The following CLVS1 variants were observed in gnomAD, a reference collection of about 807,000 sequenced individuals.
The protein encoded by CLVS1 is clavesin 1, also known as clavesin-1.
In CLVS1, 10 loss-of-function variants were observed where a neutral mutation model predicts 33.1. The observed-to-expected ratio is 0.30, with a 90% CI of 0.19 to 0.51. The LOEUF is 0.51. CLVS1 is among the 20% of genes least tolerant of loss of function. The pLI is 0.97. For missense variants in CLVS1, 343 were observed against 433.4 expected, an observed-to-expected ratio of 0.79 and a Z score of 1.85; for synonymous variants, 163 against 166.1, an observed-to-expected ratio of 0.98 and a Z score of 0.14.
chr8:61,299,588 C>T (rs1810355134), intron 1 of CLVS1, 89 bp from the exon 2 acceptor site: 2 of 507,524 alleles, frequency 3.9e-6, no homozygotes, highest in Admixed American at 7.3e-5. Context: ...GCCTAATATA[C>T]TGTTTTTCTA....
chr8:61,035,823 T>C, the CLVS1 span, among the ~76,000 whole-genome samples: 20 of 152,340 alleles, frequency 1.3e-4, no homozygotes, highest in East Asian at 3.5e-3. Flanking sequence ...CCTCTTCAAA[T>C]TGCTGTTTCT....
At chr8:61,205,642 A>G (rs1161646105) in intron 2 of CLVS1, among the ~76,000 whole-genome samples, 1 of 152,128 alleles carries the variant, frequency 6.6e-6, no homozygotes, top group African/African-American at 2.4e-5. Flanking sequence ...GACTTGCTGA[A>G]TCATATGGTA....
At chr8:61,193,189 C>CA (rs1807530167) in intron 2 of CLVS1, among the ~76,000 whole-genome samples, 1 of 152,064 alleles carries the variant, frequency 6.6e-6, no homozygotes, top group South Asian at 2.1e-4. Flanking sequence ...ACTATGCAGC[C>CA]ATAAAAAAGG....
intron 2 of CLVS1, among the ~76,000 whole-genome samples, chr8:61,225,857 C>G (rs370975764): frequency 6.6e-6 from 1 of 152,198 alleles, no homozygotes; most frequent in Non-Finnish European, 1.5e-5. Flanking sequence ...TTGGCAACTC[C>G]TGTGCTGTCA....
intron 1 of CLVS1, among the ~76,000 whole-genome samples, chr8:61,293,242 T>G (rs1810060934): frequency 2.0e-5 from 3 of 152,172 alleles, no homozygotes; most frequent in Admixed American, 2.0e-4. Flanking sequence ...CTCTCTATCC[T>G]TGTAGACTAC....
intron 3 of CLVS1, among the ~76,000 whole-genome samples, chr8:61,438,863 T>G (rs73685033): frequency 0.011 from 1,747 of 152,328 alleles, 35 homozygotes; most frequent in African/African-American, 0.04. Context: ...TGAGATAATA[T>G]GTATAAAAGT....
chr8:61,117,631 A>T (rs1805755095), intron 1 of CLVS1, among the ~76,000 whole-genome samples: 1 of 151,396 alleles, frequency 6.6e-6, no homozygotes, highest in Non-Finnish European at 1.5e-5. Context: ...TGAGATAATC[A>T]TGTGGTTTTT....
intron 1 of CLVS1, among the ~76,000 whole-genome samples, chr8:61,297,658 A>G (rs780126118): frequency 6.6e-6 from 1 of 152,166 alleles, no homozygotes; most frequent in Non-Finnish European, 1.5e-5. Context: ...CAGTCTGAAG[A>G]TCTGAAAGGA....
In CLVS1 at chr8:61,097,216, C is replaced by T. The variant is rs185751605; in HGVS notation, c.-242-34554C>T. ...CTCTATTAAAAATAAATAAATAACC[C>T]AGGAGGCAGAGCTTGCAGTGAGCCG... is the stretch of plus-strand genomic sequence containing the variant. On this transcript the variant is annotated intron_variant, in intron 1 of 2. Transcript: ENST00000522621. Among the ~76,000 whole-genome samples the T allele has an allele frequency of 5.9e-5, 9 of 151,672 alleles. No individual in the cohort carries two copies. The East Asian group carries it at 1.7e-3, about 29-fold the overall frequency.
At chr8:60,988,907 C>T in the CLVS1 span, among the ~76,000 whole-genome samples, 6 of 152,350 alleles carry the variant, frequency 3.9e-5, no homozygotes, top group South Asian at 1.2e-3. Context: ...CTCTGTCATC[C>T]AGGCTGGAGT....
intron 2 of CLVS1, among the ~76,000 whole-genome samples, chr8:61,249,055 T>G (rs1475057793): frequency 6.6e-6 from 1 of 152,096 alleles, no homozygotes; most frequent in Non-Finnish European, 1.5e-5. Context: ...CTAATGCTAT[T>G]CTTCCCCAAG....
intron 2 of CLVS1, among the ~76,000 whole-genome samples, chr8:61,143,391 C>T (rs1806348415): frequency 6.6e-6 from 1 of 152,264 alleles, no homozygotes; most frequent in African/African-American, 2.4e-5. Flanking sequence ...TTTGATTTTA[C>T]CTGTCCTCAA....
At chr8:61,202,296 G>A in intron 2 of CLVS1, 2 of 633,764 alleles carry the variant, frequency 3.2e-6, no homozygotes, top group Non-Finnish European at 5.8e-6. Flanking sequence ...CTCTGGAGCA[G>A]CATTCGTTTA....
At chr8:61,042,851 G>A in the CLVS1 span, among the ~76,000 whole-genome samples, 1 of 152,192 alleles carries the variant, frequency 6.6e-6, no homozygotes, top group African/African-American at 2.4e-5. Flanking sequence ...CAGACGTGGA[G>A]CCCATTAGTT....
At chr8:61,038,477 T>G in the CLVS1 span, among the ~76,000 whole-genome samples, 2 of 148,660 alleles carry the variant, frequency 1.3e-5, no homozygotes, top group Non-Finnish European at 3.0e-5. Flanking sequence ...TATATACACG[T>G]ATATATATAT....
rs547221780 is a variant in CLVS1, at chr8:61,148,219, G to A, written c.-152+16359G>A. ...ATTTCTCACTTATGTGGACTGTCTC[G>A]TAATATTGTTAGCTGGATCAGTAAC... On this transcript the variant is annotated intron_variant, in intron 2 of 2. Coordinates refer to the CLVS1 transcript ENST00000522621. Among the ~76,000 whole-genome samples the A allele has an allele frequency of 1.1e-4, 16 of 152,302 alleles. No individual in the cohort carries two copies. In the South Asian group the frequency reaches 2.3e-3, roughly 22 times the overall value.
intron 3 of CLVS1, among the ~76,000 whole-genome samples, chr8:61,394,106 G>C (rs1316319969): frequency 6.6e-6 from 1 of 152,172 alleles, no homozygotes; most frequent in African/African-American, 2.4e-5. Flanking sequence ...CAGCACTTTG[G>C]GTGGCCGAGG....
chr8:61,390,331 A>T (rs1814254207), intron 3 of CLVS1, among the ~76,000 whole-genome samples: 1 of 152,208 alleles, frequency 6.6e-6, no homozygotes, highest in Non-Finnish European at 1.5e-5. Context: ...GTATTAACCA[A>T]TTCCCAACTG....
At chr8:61,090,910 G>C (rs761800369) in intron 1 of CLVS1, 2 of 518,808 alleles carry the variant, frequency 3.9e-6, no homozygotes, top group South Asian at 1.4e-5. Context: ...TAAGATGTTG[G>C]GGGACCTTGA....
Sources: allele counts gnomAD v4.1 joint callset (sites outside exome capture counted in the v4.1 genomes callset), GRCh38; gene constraint gnomAD v4.1.1; transcripts MANE v1.5; gene names NCBI Gene and HGNC (gene_info 2026-07-23, HGNC 2026-07-21).